The following SASH1 variants were observed in gnomAD, a reference collection of about 807,000 sequenced individuals.
The protein encoded by SASH1 is SAM and SH3 domain containing 1, also known as SAM and SH3 domain-containing protein 1.
A neutral mutation model predicts 125.2 loss-of-function variants in SASH1; 44 were observed. That is an observed-to-expected ratio of 0.35 (90% CI 0.28 to 0.45). The LOEUF is 0.45. Ranked by LOEUF, SASH1 falls within the 20% of genes least tolerant of loss-of-function variation. The pLI is 1.00. For missense variants in SASH1, 1,426 were observed against 1,614.5 expected (o/e 0.88, Z 2.00); for synonymous variants, 639 against 649.1 (o/e 0.98, Z 0.24).
intron 4 of SASH1, among the ~76,000 whole-genome samples, chr6:148,456,881 A>ATAAT (rs1355014030): frequency 6.7e-6 from 1 of 148,818 alleles, no homozygotes; most frequent in Non-Finnish European, 1.5e-5. Flanking sequence ...AACAATAATA[A>ATAAT]TAATAATAAT....
chr6:148,359,032 G>A (rs1782074598), intron 1 of SASH1, among the ~76,000 whole-genome samples: 1 of 151,660 alleles, frequency 6.6e-6, no homozygotes, highest in African/African-American at 2.4e-5. Flanking sequence ...ACTACACCCG[G>A]CCCTAATGCC....
chr6:148,401,515 A>T (rs554775524), intron 2 of SASH1, among the ~76,000 whole-genome samples: 1 of 152,302 alleles, frequency 6.6e-6, no homozygotes, highest in Non-Finnish European at 1.5e-5. Context: ...CTAGAATGGT[A>T]TTAAGAATCT....
At chr6:148,194,641 C>T in the SASH1 span, among the ~76,000 whole-genome samples, 1 of 152,208 alleles carries the variant, frequency 6.6e-6, no homozygotes, top group African/African-American at 2.4e-5. Flanking sequence ...GGTGCGGTGG[C>T]TCGTGCCTGT....
chr6:148,544,504 C>A lies in SASH1; in HGVS notation c.3034C>A (p.Pro1012Thr), dbSNP rs760127654. 15 of 1,613,798 alleles carry A rather than the reference C, an allele frequency of 9.3e-6. No individual in the cohort carries two copies. In the South Asian group the frequency reaches 1.6e-4, roughly 18 times the overall value. The change falls in exon 18 of 20, where the codon CCC becomes ACC. Residue 1012 changes from proline to threonine, a missense_variant. Physicochemically the swap from Pro to Thr is conservative, Grantham distance 38. Around this residue, in one of 3 missense-constraint regions of SASH1, gnomAD observed 634 missense variants for 694.4 expected, o/e 0.91. Coordinates refer to ENST00000367467, the MANE Select transcript of SASH1 (RefSeq NM_015278.5). The surrounding 1 kb of genome is among the most constrained non-coding windows in gnomAD (Gnocchi z 6.4). The part of the protein sequence containing the change: ...PVPMGPSGAL[P>T]SPDAPCLPVK... ...TCCCATGGGCCCCAGTGGGGCCCTC[C>A]CCAGTCCCGATGCGCCATGCCTGCC...
chr6:148,436,930 G>A (rs1287090784), intron 2 of SASH1, among the ~76,000 whole-genome samples: 2 of 152,222 alleles, frequency 1.3e-5, no homozygotes, highest in African/African-American at 4.8e-5. Flanking sequence ...ATTTCTCAGT[G>A]TACAACATGC....
At chr6:148,509,285 A>T (rs893943309) in intron 8 of SASH1, 16 of 211,464 alleles carry the variant, frequency 7.6e-5, no homozygotes, top group Non-Finnish European at 1.4e-4. Context: ...AAGCTGAAGT[A>T]TGTATGTCTA....
At chr6:148,540,191 G>A (rs1023191245) in intron 16 of SASH1, among the ~76,000 whole-genome samples, 8 of 152,118 alleles carry the variant, frequency 5.3e-5, no homozygotes, top group East Asian at 3.9e-4. Context: ...GCTTCTGTTC[G>A]CATAACTAAC....
intron 15 of SASH1, among the ~76,000 whole-genome samples, chr6:148,534,298 C>T (rs1043778529): frequency 2.0e-5 from 3 of 152,260 alleles, no homozygotes; most frequent in South Asian, 2.1e-4. Context: ...GGAAACTCTG[C>T]GCCCACCTCT....
At chr6:148,325,588 T>C (rs1327268993) in intron 1 of SASH1, among the ~76,000 whole-genome samples, 1 of 152,040 alleles carries the variant, frequency 6.6e-6, no homozygotes, top group Non-Finnish European at 1.5e-5. Context: ...AAGCCTCTTA[T>C]AAAACCATCA....
At chr6:148,367,450 C>T (rs544635453) in intron 1 of SASH1, among the ~76,000 whole-genome samples, 1 of 152,314 alleles carries the variant, frequency 6.6e-6, no homozygotes, top group Non-Finnish European at 1.5e-5. Flanking sequence ...AGCCAGAGGC[C>T]CTGCGCAGGT....
intron 8 of SASH1, chr6:148,513,469 T>C: frequency 3.0e-6 from 3 of 985,474 alleles, no homozygotes; most frequent in Non-Finnish European, 3.6e-6. Flanking sequence ...TATTGGATGT[T>C]GGAGCTGACT....
At chr6:148,376,751 C>G (rs1033819672) in intron 1 of SASH1, among the ~76,000 whole-genome samples, 7 of 152,088 alleles carry the variant, frequency 4.6e-5, no homozygotes, top group African/African-American at 1.7e-4. Flanking sequence ...GTAGTCCCAG[C>G]TACTCGGGAG....
chr6:148,425,208 C>T (rs1280756014), intron 2 of SASH1, among the ~76,000 whole-genome samples: 2 of 152,162 alleles, frequency 1.3e-5, no homozygotes, highest in East Asian at 3.9e-4. Context: ...TCAGGATGAA[C>T]ACTGCATGCA....
chr6:148,544,492 A>C lies in SASH1; in HGVS notation c.3022A>C (p.Ser1008Arg), dbSNP rs746126688. The change falls in exon 18 of 20, where the codon AGT (serine) becomes CGT (arginine). Residue 1008 changes from serine (S) to arginine (R), a missense_variant. Ser to Arg is a moderately radical substitution (Grantham distance 110, BLOSUM62 -1). Around this residue, in one of 3 missense-constraint regions of SASH1, gnomAD observed 634 missense variants for 694.4 expected, o/e 0.91. Transcript: ENST00000367467. This position sits in a 1 kb window ranked among gnomAD's most constrained non-coding sequence, Gnocchi z 6.4. ...ACTCCACCCTGTTCCCATGGGCCCC[A>C]GTGGGGCCCTCCCCAGTCCCGATGC... The part of the protein sequence containing the change: ...NGLHPVPMGP[S>R]GALPSPDAPC... 6.2e-7 allele frequency: 1 copy of C among 1,613,984 alleles called. No homozygotes were observed. Among genetic ancestry groups the C allele is most frequent in the East Asian group, 2.2e-5 (1 of 44,862 alleles).
chr6:148,217,036 T>C, the SASH1 span, among the ~76,000 whole-genome samples: 10 of 152,126 alleles, frequency 6.6e-5, no homozygotes, highest in Admixed American at 6.5e-4. Flanking sequence ...CTAATGTCTC[T>C]CATCTCTATC....
At chr6:148,262,009 G>A in the SASH1 span, among the ~76,000 whole-genome samples, 25 of 152,060 alleles carry the variant, frequency 1.6e-4, no homozygotes, top group African/African-American at 4.8e-4. Flanking sequence ...CATCTTGACC[G>A]TGCCTTTTTC....
the SASH1 span, among the ~76,000 whole-genome samples, chr6:148,265,186 T>C: frequency 6.6e-6 from 1 of 152,096 alleles, no homozygotes; most frequent in Admixed American, 6.6e-5. Flanking sequence ...GGCACACACC[T>C]GTAGTCCCAG....
In SASH1 at chr6:148,387,905, A is replaced by ATTTTT. The variant is rs71004291; in HGVS notation, c.157-2206_157-2202dup. Among the ~76,000 whole-genome samples, 15 of 54,022 alleles carry ATTTTT rather than the reference A, an allele frequency of 2.8e-4. 2 individuals are homozygous for ATTTTT. Among genetic ancestry groups the ATTTTT allele is most frequent in the South Asian group, 2.1e-3 (2 of 948 alleles). 35.4% of individuals were successfully genotyped at this position (54,022 alleles called of 152,430 possible). A position where few individuals can be genotyped will look rare whatever the true frequency, so the allele number is the denominator to read the frequency against. ...AGGTGCCCACTAATGCGCCCTGCTA[A>ATTTTT]TTTTTTTTTTTTTTTTTTTTTTTTT... On this transcript the variant is annotated intron_variant, in intron 1 of 19. Coordinates refer to ENST00000367467, the MANE Select transcript of SASH1 (RefSeq NM_015278.5).
In SASH1 at chr6:148,387,621, T is replaced by C. The variant is rs369402574; in HGVS notation, c.157-2513T>C. Among the ~76,000 whole-genome samples, 78 of 52,976 alleles carry C rather than the reference T, an allele frequency of 1.5e-3. 7 individuals carry two copies. The highest frequency in any genetic ancestry group is 4.3e-3 in the Admixed American group (17 of 3,912). 34.8% of individuals were successfully genotyped at this position (52,976 alleles called of 152,430 possible). ...CTTTCTTTCTTTCTTTCTTTCTTTC[T>C]TTCTTTCTTTCTTTCTTTCTTTCTT... On this transcript the variant is annotated intron_variant, in intron 1 of 19. Transcript: ENST00000367467.
Sources: allele counts gnomAD v4.1 joint callset (sites outside exome capture counted in the v4.1 genomes callset), GRCh38; gene constraint gnomAD v4.1.1; regional missense constraint gnomAD v4.1.1; non-coding constraint Gnocchi (gnomAD v3.1); transcripts MANE v1.5; gene names NCBI Gene and HGNC (gene_info 2026-07-23, HGNC 2026-07-21).